The following PUM2 variants were observed in gnomAD, a reference collection of about 807,000 sequenced individuals.
The protein encoded by PUM2 is pumilio homolog 2.
In PUM2, 57 loss-of-function variants were observed where a neutral mutation model predicts 124.5. The ratio of observed to expected loss-of-function variants is 0.46; its 90% CI spans 0.37 to 0.57. PUM2 has a LOEUF of 0.57. Ranked by LOEUF, PUM2 falls within the 20% of genes least tolerant of loss-of-function variation. The pLI is 0.00. For missense variants in PUM2, 1,065 were observed against 1,290.6 expected, an observed-to-expected ratio of 0.83 and a Z score of 2.68; for synonymous variants, 460 against 446.1, an observed-to-expected ratio of 1.03 and a Z score of -0.39.
At chr2:20,291,121 A>G (rs946117805) in intron 9 of PUM2, among the ~76,000 whole-genome samples, 3 of 152,214 alleles carry the variant, frequency 2.0e-5, no homozygotes, top group African/African-American at 7.2e-5. Flanking sequence ...TCAACAACAG[A>G]GAAGACTCCA....
intron 8 of PUM2, among the ~76,000 whole-genome samples, chr2:20,295,782 T>A (rs1431528044): frequency 6.6e-6 from 1 of 152,216 alleles, no homozygotes; most frequent in African/African-American, 2.4e-5. Context: ...AATTATTATA[T>A]TTTGGATATG....
intron 12 of PUM2, among the ~76,000 whole-genome samples, chr2:20,281,349 G>C (rs1671471079): frequency 6.6e-6 from 1 of 152,018 alleles, no homozygotes; most frequent in Admixed American, 6.6e-5. Context: ...TCCTGAAAGG[G>C]GGAAAACAGC....
chr2:20,330,415 T>C (rs1684664630), intron 1 of PUM2, among the ~76,000 whole-genome samples: 1 of 152,222 alleles, frequency 6.6e-6, no homozygotes. Context: ...TTAGAGAGTT[T>C]GAACTTTCAG....
At chr2:20,334,532 G>A (rs2148967152) in intron 1 of PUM2, among the ~76,000 whole-genome samples, 1 of 152,192 alleles carries the variant, frequency 6.6e-6, no homozygotes, top group Middle Eastern at 3.4e-3. Context: ...AAAGGGATTA[G>A]TGACTGTCTT....
At chr2:20,257,731 AAC>A (rs1437261472) in intron 16 of PUM2, among the ~76,000 whole-genome samples, 1 of 152,324 alleles carries the variant, frequency 6.6e-6, no homozygotes, top group Admixed American at 6.5e-5. Flanking sequence ...TCCATCCAAT[AAC>A]ACAGAATATT....
Position 20,263,331 on chromosome 2 carries a change from C to T in PUM2, c.2087G>A (p.Arg696Gln), listed in dbSNP as rs768358866. The T allele has an allele frequency of 5.6e-6, 9 of 1,613,960 alleles. No individual in the cohort carries two copies. Among genetic ancestry groups the T allele is most frequent in the East Asian group, 4.5e-5 (2 of 44,898 alleles). Residue 696 changes from arginine to glutamine, a missense_variant, in exon 14 of 21, where the codon CGG (arginine) becomes CAG (glutamine). Arg to Gln is a conservative substitution (Grantham distance 43). Around this residue, in one of 3 missense-constraint regions of PUM2, gnomAD observed 968 missense variants for 1,159.8 expected, o/e 0.83. Transcript: ENST00000361078. The stretch of plus-strand genomic sequence containing the variant: ...AGGCATAATATCAGACCTATTATAC[C>T]GAAGCCGGGAAGGAGGAAAGAGCTG... ...SSQLFPPSRL[R>Q]YNRSDIMPSG...
chr2:20,348,762 A>G (rs1367665817), intron 1 of PUM2, among the ~76,000 whole-genome samples: 2 of 152,226 alleles, frequency 1.3e-5, no homozygotes, highest in Non-Finnish European at 2.9e-5. Flanking sequence ...GTCTCTACAA[A>G]AAATGCAAAA....
intron 1 of PUM2, among the ~76,000 whole-genome samples, chr2:20,341,838 G>T (rs376586108): frequency 1.3e-5 from 2 of 152,106 alleles, no homozygotes; most frequent in African/African-American, 4.8e-5. Flanking sequence ...CTTAAGAAAT[G>T]TTAACTAGAG....
intron 1 of PUM2, among the ~76,000 whole-genome samples, chr2:20,346,452 T>C (rs980770899): frequency 6.6e-6 from 1 of 152,220 alleles, no homozygotes; most frequent in Non-Finnish European, 1.5e-5. Context: ...GACTGCCTAA[T>C]AAAGACCTAT....
At chr2:20,263,128 T>C (rs1014657151) in intron 14 of PUM2, 65 bp downstream of exon 14, 2 of 1,459,402 alleles carry the variant, frequency 1.4e-6, no homozygotes, top group Non-Finnish European at 9.4e-7. Flanking sequence ...CCAGAAAAAT[T>C]TAAGCTTTTA....
rs1233096931 is a variant in PUM2 at position 20,350,786 on chromosome 2, C to G, written c.-208G>C. The G allele has an allele frequency of 3.7e-5, 36 of 976,750 alleles. No homozygotes were observed. The highest frequency in any genetic ancestry group is 4.1e-5 in the Non-Finnish European group (34 of 826,078). The allele number at this position is 976,750 out of a possible 1,614,324, so 60.5% of individuals were successfully genotyped here. A position where few individuals can be genotyped will look rare whatever the true frequency, so the allele number is the denominator to read the frequency against. On this transcript the variant is annotated 5_prime_UTR_variant, in exon 1 of 21. Transcript: ENST00000361078. ...CTCCTCCTCCGAACCACCGAAGTAC[C>G]GAGGGTGAGACACAGAGACTCACAA...
chr2:20,309,542 T>C (rs1248291579), intron 5 of PUM2, among the ~76,000 whole-genome samples: 1 of 152,150 alleles, frequency 6.6e-6, no homozygotes, highest in Non-Finnish European at 1.5e-5. Context: ...AACACCTTCA[T>C]GGTCTAAACT....
chr2:20,330,108 AG>A (rs1344633340), intron 1 of PUM2, among the ~76,000 whole-genome samples: 6 of 152,218 alleles, frequency 3.9e-5, no homozygotes, highest in African/African-American at 1.4e-4. Context: ...TTACATAAAG[AG>A]GAACAATGAT....
intron 13 of PUM2, 41 bp downstream of exon 13, chr2:20,278,542 T>C (rs747212245): frequency 3.4e-6 from 5 of 1,462,358 alleles, no homozygotes; most frequent in Middle Eastern, 1.7e-4. Flanking sequence ...CACACATACA[T>C]GTATACATAC....
In PUM2 at chr2:20,258,366, C is replaced by T. The variant is rs748971463; in HGVS notation, c.2361G>A (p.Gly787=). 6.2e-7 allele frequency: 1 copy of T among 1,611,306 alleles called. No individual in the cohort carries two copies. The highest frequency in any genetic ancestry group is 8.5e-7 in the Non-Finnish European group (1 of 1,178,472). Residue 787 remains glycine, a synonymous_variant, in exon 16 of 21, where the codon GGG becomes GGA. Coordinates refer to ENST00000361078, the MANE Select transcript of PUM2 (RefSeq NM_015317.5). ...CCAGGGCTAATTTTTGATCCAGACT[C>T]CCAAACTGACAGAAAAGATATAACA... The part of the protein sequence containing the change: ...NYVIQKFFEF[G]SLDQKLALAT...
intron 13 of PUM2, among the ~76,000 whole-genome samples, chr2:20,266,209 G>C (rs1276145747): frequency 6.6e-6 from 1 of 152,158 alleles, no homozygotes; most frequent in Non-Finnish European, 1.5e-5. Context: ...TTGGGAGGCT[G>C]AGGAAGGCAC....
intron 6 of PUM2, 40 bp from the exon 7 acceptor site, chr2:20,308,111 A>G: frequency 6.4e-7 from 1 of 1,573,496 alleles, no homozygotes; most frequent in Non-Finnish European, 8.7e-7. Flanking sequence ...TAGTGTCAAA[A>G]TCTTTCATTT....
At chr2:20,283,518 AC>A in intron 10 of PUM2, 32 bp from the exon 11 acceptor site, 2 of 1,567,104 alleles carry the variant, frequency 1.3e-6, no homozygotes, top group Non-Finnish European at 1.7e-6. Context: ...TAATGAAAGC[AC>A]TTATTACAAA....
intron 10 of PUM2, among the ~76,000 whole-genome samples, chr2:20,287,685 C>T (rs1017237137): frequency 6.6e-6 from 1 of 152,068 alleles, no homozygotes; most frequent in Non-Finnish European, 1.5e-5. Flanking sequence ...GCCAGGAGTT[C>T]AAGACCAGTC....
Sources: gnomAD v4.1 joint callset for allele counts (sites outside exome capture counted in the v4.1 genomes callset) on GRCh38, gnomAD v4.1.1 for gene constraint, gnomAD v4.1.1 regional missense constraint, MANE v1.5 for transcripts, NCBI Gene and HGNC (gene_info 2026-07-23, HGNC 2026-07-21) for gene names.